SV2C: variants seen among roughly 807,000 people sequenced by gnomAD.
SV2C encodes synaptic vesicle glycoprotein 2C.
A neutral mutation model predicts 79.7 loss-of-function variants in SV2C; 49 were observed. The ratio of observed to expected loss-of-function variants is 0.61; its 90% CI spans 0.49 to 0.78. SV2C has a LOEUF of 0.78. SV2C is among the 30% of genes least tolerant of loss of function. The pLI is 0.00. For synonymous variants in SV2C, 334 were observed against 333.2 expected (o/e 1.00, Z -0.03); for missense variants, 833 against 912.9 (o/e 0.91, Z 1.13).
chr5:76,065,704 T>C, the SV2C span, among the ~76,000 whole-genome samples: 1 of 152,328 alleles, frequency 6.6e-6, no homozygotes, highest in South Asian at 2.1e-4. Context: ...TAATGCTTTA[T>C]GTTATTAGAA....
chr5:76,219,881 A>C (rs890996616), intron 4 of SV2C, among the ~76,000 whole-genome samples: 17 of 152,242 alleles, frequency 1.1e-4, no homozygotes, highest in African/African-American at 3.9e-4. Context: ...CTCACCAGAA[A>C]AGGAAGTGAT....
intron 1 of SV2C, among the ~76,000 whole-genome samples, chr5:76,110,093 C>T (rs866179147): frequency 1.3e-5 from 2 of 152,170 alleles, no homozygotes; most frequent in South Asian, 4.2e-4. Context: ...TGGTGTCCCT[C>T]TGAATCAAAT....
At chr5:76,312,070 T>A (rs1033929318) in intron 12 of SV2C, among the ~76,000 whole-genome samples, 1 of 152,202 alleles carries the variant, frequency 6.6e-6, no homozygotes, top group African/African-American at 2.4e-5. Flanking sequence ...TTTGTGAAAG[T>A]TGTAAATCTC....
intron 4 of SV2C, among the ~76,000 whole-genome samples, chr5:76,251,526 G>C (rs1746117328): frequency 6.6e-6 from 1 of 152,132 alleles, no homozygotes; most frequent in Non-Finnish European, 1.5e-5. Flanking sequence ...CCTCCAGCCT[G>C]GACAACAGTG....
At chr5:76,352,310 A>G (rs905560673) in intron 12 of SV2C, among the ~76,000 whole-genome samples, 1 of 152,212 alleles carries the variant, frequency 6.6e-6, no homozygotes, top group Non-Finnish European at 1.5e-5. Flanking sequence ...TCCATCCAAA[A>G]AGGAAGCTGT....
the SV2C span, among the ~76,000 whole-genome samples, chr5:75,926,188 A>G: frequency 2.0e-5 from 3 of 152,148 alleles, no homozygotes; most frequent in Non-Finnish European, 4.4e-5. Flanking sequence ...CCAAACTCTC[A>G]TCTGCTCCAA....
chr5:76,178,991 A>G (rs1438142092), intron 2 of SV2C, among the ~76,000 whole-genome samples: 3 of 152,246 alleles, frequency 2.0e-5, no homozygotes, highest in Non-Finnish European at 4.4e-5. Flanking sequence ...GTGTAGCCTC[A>G]TGGAGTTTCA....
At chr5:76,059,275 C>T in the SV2C span, among the ~76,000 whole-genome samples, 1 of 151,974 alleles carries the variant, frequency 6.6e-6, no homozygotes, top group Non-Finnish European at 1.5e-5. Flanking sequence ...TTTGCTGCAT[C>T]AATGGACTCT....
the SV2C span, among the ~76,000 whole-genome samples, chr5:76,024,728 C>A: frequency 6.6e-6 from 1 of 152,052 alleles, no homozygotes; most frequent in Non-Finnish European, 1.5e-5. Flanking sequence ...CCACATAGAC[C>A]AAATTCAGGC....
At chr5:76,252,990 C>T (rs1327627894) in intron 4 of SV2C, among the ~76,000 whole-genome samples, 1 of 152,238 alleles carries the variant, frequency 6.6e-6, no homozygotes, top group East Asian at 1.9e-4. Context: ...TTGTGTAATA[C>T]ATATTGTTAT....
intron 2 of SV2C, among the ~76,000 whole-genome samples, chr5:76,152,250 G>A (rs1172372605): frequency 6.6e-6 from 1 of 152,196 alleles, no homozygotes; most frequent in African/African-American, 2.4e-5. Flanking sequence ...TTTTTAAAGG[G>A]AAGGAAACAA....
At chr5:76,017,707 G>A in the SV2C span, among the ~76,000 whole-genome samples, 86 of 152,262 alleles carry the variant, frequency 5.6e-4, no homozygotes, top group Admixed American at 5.0e-3. Flanking sequence ...GTTTTTAGGC[G>A]TGTGTTTCCA....
At chr5:76,067,027 CA>C in the SV2C span, among the ~76,000 whole-genome samples, 7 of 152,078 alleles carry the variant, frequency 4.6e-5, no homozygotes, top group African/African-American at 1.7e-4. Context: ...ACAATTTTTA[CA>C]ATTGATTTGT....
intron 2 of SV2C, among the ~76,000 whole-genome samples, chr5:76,144,992 A>G (rs576762122): frequency 6.6e-6 from 1 of 152,368 alleles, no homozygotes; most frequent in East Asian, 1.9e-4. Flanking sequence ...GCTGAGGCCC[A>G]GGCCCAAGAG....
chr5:76,073,980 A>AT, the SV2C span, among the ~76,000 whole-genome samples: 7 of 152,208 alleles, frequency 4.6e-5, no homozygotes, highest in African/African-American at 1.7e-4. Flanking sequence ...CAGAATATCC[A>AT]TGTCTTCTCA....
Position 76,140,190 on chromosome 5 carries a change from A to G in SV2C, c.580+7860A>G, listed in dbSNP as rs543428689. Among the ~76,000 whole-genome samples, 15 of 152,292 alleles carry G rather than the reference A, an allele frequency of 9.8e-5. No homozygotes were observed. In the South Asian group the frequency reaches 3.1e-3, roughly 32 times the overall value. ...GAGCATCTACTATGTGACAAGCACT[A>G]TTTGGACTCTAGAAATATAATAGTA... On this transcript the variant is annotated intron_variant, in intron 2 of 12. Coordinates refer to ENST00000502798, the MANE Select transcript of SV2C (RefSeq NM_014979.4).
At chr5:76,214,080 G>A (rs1488668814) in intron 4 of SV2C, among the ~76,000 whole-genome samples, 5 of 151,958 alleles carry the variant, frequency 3.3e-5, no homozygotes. Context: ...ATTCCAATAT[G>A]TGCATATATG....
At chr5:76,140,491 C>G (rs191459950) in intron 2 of SV2C, among the ~76,000 whole-genome samples, 1 of 152,088 alleles carries the variant, frequency 6.6e-6, no homozygotes, top group Non-Finnish European at 1.5e-5. Context: ...CTGAAAACAA[C>G]AGCTTCAAGT....
At chr5:75,907,664 G>C in the SV2C span, among the ~76,000 whole-genome samples, 3,257 of 152,296 alleles carry the variant, frequency 0.021, 51 homozygotes, top group South Asian at 0.04. Flanking sequence ...GTGGCTACTG[G>C]TTGGGACCAA....
Sources: gnomAD v4.1 joint callset for allele counts (sites outside exome capture counted in the v4.1 genomes callset) on GRCh38, gnomAD v4.1.1 for gene constraint, MANE v1.5 for transcripts, NCBI Gene and HGNC (gene_info 2026-07-23, HGNC 2026-07-21) for gene names.